SLC27A6: variants seen among roughly 807,000 people sequenced by gnomAD.
SLC27A6 encodes long-chain fatty acid transport protein 6.
Under a neutral mutation model 63.9 loss-of-function variants are expected in SLC27A6, and 74 were observed. That is an observed-to-expected ratio of 1.16 (90% CI 0.96 to 1.40). The LOEUF (loss-of-function observed/expected upper bound fraction) is 1.40. SLC27A6 is among the 40% of genes most tolerant of loss of function. The probability of loss-of-function intolerance (pLI) is 0.00; values close to 1 mark genes in which losing one functional copy is unlikely to be tolerated. For synonymous variants in SLC27A6, 287 were observed against 260.8 expected (o/e 1.10, Z -0.97); for missense variants, 794 against 732.9 (o/e 1.08, Z -0.96).
intron 4 of SLC27A6, among the ~76,000 whole-genome samples, chr5:129,008,418 G>A (rs1441693824): frequency 6.6e-6 from 1 of 152,166 alleles, no homozygotes; most frequent in African/African-American, 2.4e-5. Flanking sequence ...GTGGAATTTG[G>A]TTTATAAACC....
chr5:128,971,244 G>T (rs1304992837), intron 1 of SLC27A6, among the ~76,000 whole-genome samples: 1 of 152,074 alleles, frequency 6.6e-6, no homozygotes, highest in Non-Finnish European at 1.5e-5. Flanking sequence ...GTTGATTTGG[G>T]GTGGAGAGTT....
chr5:128,983,286 C>T (rs950964177), intron 1 of SLC27A6, among the ~76,000 whole-genome samples: 9 of 111,620 alleles, frequency 8.1e-5, no homozygotes, highest in East Asian at 3.1e-4. Context: ...CATTCTGATC[C>T]GGGTTTTTTT....
Position 129,019,445 on chromosome 5 carries a change from G to A in SLC27A6, c.1164+3366G>A, listed in dbSNP as rs920124417. The stretch of plus-strand genomic sequence containing the variant: ...GTGAAATAAAGCTCGGAAAAAAAAA[G>A]AGAAAATGAATCTAAATGAAAGGCA... On this transcript the variant is annotated intron_variant, in intron 5 of 9. Transcript: ENST00000262462. Among the ~76,000 whole-genome samples the A allele has an allele frequency of 1.3e-5, 2 of 150,298 alleles. 1 individual carries two copies. The highest frequency in any genetic ancestry group is 4.3e-4 in the South Asian group (2 of 4,688).
intron 4 of SLC27A6, among the ~76,000 whole-genome samples, chr5:129,014,828 G>A (rs931763698): frequency 6.6e-6 from 1 of 152,122 alleles, no homozygotes; most frequent in Non-Finnish European, 1.5e-5. Flanking sequence ...CTGCAGGCTT[G>A]GATTTCAGCC....
intron 4 of SLC27A6, among the ~76,000 whole-genome samples, chr5:129,002,714 T>C (rs1023439108): frequency 2.6e-5 from 4 of 152,220 alleles, no homozygotes; most frequent in African/African-American, 9.6e-5. Flanking sequence ...TTTAATGAGT[T>C]CAAATTATCT....
intron 1 of SLC27A6, among the ~76,000 whole-genome samples, chr5:128,979,571 T>G (rs1328986633): frequency 6.6e-6 from 1 of 152,188 alleles, no homozygotes; most frequent in Non-Finnish European, 1.5e-5. Flanking sequence ...CACCACTTTC[T>G]TACTGAAAAA....
chr5:129,009,239 C>T (rs1210459447), intron 4 of SLC27A6, among the ~76,000 whole-genome samples: 1 of 152,166 alleles, frequency 6.6e-6, no homozygotes, highest in Admixed American at 6.5e-5. Context: ...TAAGAAATAT[C>T]TCTGCATTAT....
chr5:128,975,647 C>T (rs1178106484), intron 1 of SLC27A6, among the ~76,000 whole-genome samples: 2 of 152,032 alleles, frequency 1.3e-5, no homozygotes, highest in Non-Finnish European at 2.9e-5. Context: ...CCTCATTGAC[C>T]AAAATATCAT....
At chr5:128,981,024 G>T (rs571490648) in intron 1 of SLC27A6, among the ~76,000 whole-genome samples, 1 of 152,272 alleles carries the variant, frequency 6.6e-6, no homozygotes, top group East Asian at 1.9e-4. Flanking sequence ...AATGCTAAAG[G>T]ATTTTAGGCA....
At position 128,988,840 on chromosome 5, in the gene SLC27A6, C is replaced by T. The variant is rs569528297; in HGVS notation, c.844+82C>T. Reference sequence around the variant, plus strand: ...TATTTATTAACATTTGAAGCTGTATCGGTAGAATTTAGAGTGATTATATGC... The same window carrying T: ...TATTTATTAACATTTGAAGCTGTATTGGTAGAATTTAGAGTGATTATATGC... On this transcript the variant is annotated intron_variant, in intron 3 of 9. Coordinates refer to ENST00000262462, the MANE Select transcript of SLC27A6 (RefSeq NM_001017372.3). 3.9e-5 allele frequency: 45 copies of T among 1,152,984 alleles called. 1 individual carries two copies. Among genetic ancestry groups the T allele is most frequent in the South Asian group, 1.6e-4 (10 of 63,742 alleles). The allele number at this position is 1,152,984 out of a possible 1,614,324, so 71.4% of individuals were successfully genotyped here. A position where few individuals can be genotyped will look rare whatever the true frequency, so the allele number is the denominator to read the frequency against.
intron 7 of SLC27A6, 99 bp downstream of exon 7, chr5:129,027,430 C>G (rs1752282614): frequency 2.3e-6 from 2 of 877,646 alleles, no homozygotes; most frequent in Admixed American, 4.5e-5. Flanking sequence ...TCAGGGCAGA[C>G]AGAGCCCTTT....
At position 129,016,076 on chromosome 5, in the gene SLC27A6, C is replaced by T; in HGVS notation, c.1161C>T (p.Tyr387=). The change falls in exon 5 of 10, where the codon TAC becomes TAT. Residue 387 remains tyrosine (Y), a synonymous_variant. Transcript: ENST00000262462. ...CAATTGGGAGAACAAATTTGTTTTA[C>T]AAAGTAAGTACAGCATTTTCCTTAT... ...IGAIGRTNLF[Y]KLLSTFDLIK... 6.3e-7 allele frequency: 1 copy of T among 1,588,832 alleles called. No individual in the cohort carries two copies. Among genetic ancestry groups the T allele is most frequent in the Non-Finnish European group, 8.5e-7 (1 of 1,170,708 alleles).
At chr5:128,977,106 C>T (rs933566958) in intron 1 of SLC27A6, among the ~76,000 whole-genome samples, 2 of 152,146 alleles carry the variant, frequency 1.3e-5, no homozygotes, top group Non-Finnish European at 2.9e-5. Flanking sequence ...GAGTGGACAA[C>T]TTTTTGCAAA....
At chr5:128,967,926 G>C (rs899946420) in intron 1 of SLC27A6, among the ~76,000 whole-genome samples, 48 of 146,302 alleles carry the variant, frequency 3.3e-4, no homozygotes, top group African/African-American at 1.1e-3. Context: ...CCCACCCCAC[G>C]ACAGGCCCTG....
At chr5:129,021,044 G>T (rs560254448) in intron 5 of SLC27A6, among the ~76,000 whole-genome samples, 4 of 151,684 alleles carry the variant, frequency 2.6e-5, no homozygotes, top group African/African-American at 7.3e-5. Flanking sequence ...TGTGTAATTC[G>T]GGTTGACTGC....
At chr5:129,016,427 T>C (rs1249617823) in intron 5 of SLC27A6, among the ~76,000 whole-genome samples, 4 of 145,358 alleles carry the variant, frequency 2.8e-5, no homozygotes, top group Non-Finnish European at 6.0e-5. Flanking sequence ...AAGGAGCACC[T>C]TGTGGTCTGC....
chr5:129,018,607 C>T (rs995212778), intron 5 of SLC27A6, among the ~76,000 whole-genome samples: 2 of 152,080 alleles, frequency 1.3e-5, no homozygotes, highest in African/African-American at 4.8e-5. Context: ...TTAATTTTCT[C>T]AGTTAATTGC....
intron 4 of SLC27A6, among the ~76,000 whole-genome samples, chr5:129,002,338 C>T (rs1380177632): frequency 6.6e-6 from 1 of 152,162 alleles, no homozygotes; most frequent in African/African-American, 2.4e-5. Flanking sequence ...ATTAGAAACT[C>T]ATGTTTTGAT....
chr5:129,027,471 T>C (rs1050242636), intron 7 of SLC27A6, 140 bp downstream of exon 7: 2 of 648,232 alleles, frequency 3.1e-6, no homozygotes, highest in Non-Finnish European at 5.4e-6. Context: ...AAAACATTTA[T>C]TGGCCATCTG....
Sources: allele counts gnomAD v4.1 joint callset (sites outside exome capture counted in the v4.1 genomes callset), GRCh38; gene constraint gnomAD v4.1.1; transcripts MANE v1.5; gene names NCBI Gene and HGNC (gene_info 2026-07-23, HGNC 2026-07-21).